DCDC1: variants seen among roughly 807,000 people sequenced by gnomAD.
DCDC1 encodes doublecortin domain containing 1.
DCDC1 carries 200 observed loss-of-function variants against 178.3 expected under a neutral mutation model. The ratio of observed to expected loss-of-function variants is 1.12; its 90% CI spans 1.00 to 1.26. The LOEUF (loss-of-function observed/expected upper bound fraction) is 1.26, where lower values mean the gene tolerates loss of function less well. Among genes scored for constraint, DCDC1 ranks in the 50% most tolerant of loss-of-function variants. The pLI is 0.00. For missense variants in DCDC1, 1,983 were observed against 1,749.2 expected, an observed-to-expected ratio of 1.13 and a Z score of -2.38; for synonymous variants, 690 against 604.8, an observed-to-expected ratio of 1.14 and a Z score of -2.07.
chr11:30,920,757 G>A lies in DCDC1; in HGVS notation c.3293+19C>T. 6.2e-7 allele frequency: 1 copy of A among 1,612,042 alleles called. No homozygotes were observed. The highest frequency in any genetic ancestry group is 2.2e-5 in the East Asian group (1 of 44,840). On this transcript the variant is annotated intron_variant, in intron 25 of 38. Transcript: ENST00000684477. ...CAAAAAGCAGCCAGGTAGCTTTTCA[G>A]GCTACACTGATTACTTACAGAATTT...
chr11:30,916,181 C>T (rs1281739987), intron 26 of DCDC1, among the ~76,000 whole-genome samples: 1 of 152,188 alleles, frequency 6.6e-6, no homozygotes, highest in Non-Finnish European at 1.5e-5. Flanking sequence ...TCTAACAAGT[C>T]ATAGCATATC....
chr11:31,262,269 G>GAA (rs551280722), intron 8 of DCDC1, among the ~76,000 whole-genome samples: 2,065 of 141,150 alleles, frequency 0.015, 27 homozygotes, highest in African/African-American at 0.035. Flanking sequence ...CTTGTCTCAG[G>GAA]AAAAAAAAAA....
At chr11:31,303,730 C>T (rs926018756) in intron 6 of DCDC1, among the ~76,000 whole-genome samples, 5 of 152,014 alleles carry the variant, frequency 3.3e-5, no homozygotes, top group African/African-American at 1.2e-4. Context: ...TGGCTTTTCC[C>T]CATTATACTT....
intron 9 of DCDC1, among the ~76,000 whole-genome samples, chr11:31,160,722 C>T (rs953075566): frequency 6.6e-6 from 1 of 152,082 alleles, no homozygotes; most frequent in Non-Finnish European, 1.5e-5. Context: ...GACAAAATAA[C>T]AGTTTAATGA....
At chr11:30,959,059 C>A (rs1213078330) in intron 20 of DCDC1, among the ~76,000 whole-genome samples, 1 of 152,114 alleles carries the variant, frequency 6.6e-6, no homozygotes, top group Admixed American at 6.5e-5. Flanking sequence ...CTAGTCAAAG[C>A]ACTGGCCAAG....
At chr11:30,983,581 T>C (rs940300889) in intron 20 of DCDC1, among the ~76,000 whole-genome samples, 6 of 152,238 alleles carry the variant, frequency 3.9e-5, no homozygotes, top group African/African-American at 1.4e-4. Flanking sequence ...TTCAGATTTA[T>C]GAAATACAAA....
At chr11:30,874,736 C>T (rs273616) in intron 38 of DCDC1, among the ~76,000 whole-genome samples, 103,851 of 151,908 alleles carry the variant, frequency 0.68, 35,849 homozygotes, top group Middle Eastern at 0.8. Context: ...ACTGCCTCAG[C>T]TGGTCTCACA....
intron 20 of DCDC1, among the ~76,000 whole-genome samples, chr11:30,975,465 T>TA (rs964183136): frequency 9.9e-5 from 15 of 151,496 alleles, no homozygotes; most frequent in South Asian, 6.3e-4. Flanking sequence ...CTTATAGCTA[T>TA]AAAAAAAACA....
chr11:31,057,857 G>A (rs1455390447), intron 20 of DCDC1, among the ~76,000 whole-genome samples: 2 of 152,132 alleles, frequency 1.3e-5, no homozygotes, highest in African/African-American at 4.8e-5. Context: ...CATATCACCA[G>A]GGAGGAGTGT....
At chr11:30,884,182 C>T (rs1053509488) in intron 36 of DCDC1, among the ~76,000 whole-genome samples, 7 of 151,720 alleles carry the variant, frequency 4.6e-5, no homozygotes, top group African/African-American at 1.2e-4. Context: ...TACAGGCGTG[C>T]ACCACCATGT....
chr11:30,911,309 T>C lies in DCDC1; in HGVS notation c.3747+18A>G. The C allele has an allele frequency of 2.5e-6, 4 of 1,580,596 alleles. No individual in the cohort carries two copies. Among genetic ancestry groups the C allele is most frequent in the Non-Finnish European group, 3.4e-6 (4 of 1,160,000 alleles). On this transcript the variant is annotated intron_variant, in intron 28 of 38. Transcript: ENST00000684477. ...TAATTAAAAGGCCATGACTAATCTT[T>C]AGCCATACATATCTTACCTGAACAA...
chr11:31,307,655 G>T lies in DCDC1; in HGVS notation c.418C>A (p.Pro140Thr). 6.2e-7 allele frequency: 1 copy of T among 1,613,970 alleles called. No individual in the cohort carries two copies. Among genetic ancestry groups the T allele is most frequent in the Non-Finnish European group, 8.5e-7 (1 of 1,179,924 alleles). The change falls in exon 4 of 39, where the codon CCA (proline) becomes ACA (threonine). Residue 140 changes from proline (P) to threonine (T), a missense_variant. By Grantham distance (38) the Pro-to-Thr change is conservative. Coordinates refer to ENST00000684477, the MANE Select transcript of DCDC1 (RefSeq NM_001387274.1). Reference protein sequence around the residue: ...ASKRNRPVSAPVGQLRVAEFS... With the variant: ...ASKRNRPVSATVGQLRVAEFS... ...TTTGATTACCTCAGTTGACCCACTG[G>T]AGCACTGACAGGTCTGTTTCTCTTG...
intron 8 of DCDC1, among the ~76,000 whole-genome samples, chr11:31,252,027 G>A (rs1012295235): frequency 3.3e-5 from 5 of 152,088 alleles, no homozygotes; most frequent in African/African-American, 7.2e-5. Context: ...GAATGAAATC[G>A]TTTTTAAAAT....
At chr11:30,991,279 G>C (rs564987941) in intron 20 of DCDC1, among the ~76,000 whole-genome samples, 1 of 152,016 alleles carries the variant, frequency 6.6e-6, no homozygotes, top group Middle Eastern at 3.4e-3. Context: ...TGTAATACTA[G>C]GTATACATTT....
In DCDC1 at chr11:31,098,980, A is replaced by T. The variant is rs78556309; in HGVS notation, c.1983+3197T>A. On this transcript the variant is annotated intron_variant, in intron 15 of 38. Coordinates refer to ENST00000684477, the MANE Select transcript of DCDC1 (RefSeq NM_001387274.1). ...TTATGATGAGTGTTTTCTCATTTTC[A>T]CTAAATCATTAGAACCATTTAATAA... Among the ~76,000 whole-genome samples the T allele has an allele frequency of 9.6e-3, 1,458 of 152,326 alleles. 12 individuals carry two copies. The highest frequency in any genetic ancestry group is 0.015 in the Admixed American group (230 of 15,306).
intron 20 of DCDC1, among the ~76,000 whole-genome samples, chr11:30,986,286 G>A (rs1950636789): frequency 6.7e-6 from 1 of 150,022 alleles, no homozygotes; most frequent in Non-Finnish European, 1.5e-5. Context: ...TACCTTTCAA[G>A]TAGTTTACCC....
At chr11:31,010,645 G>GGTC (rs1414404045) in intron 20 of DCDC1, among the ~76,000 whole-genome samples, 5 of 152,100 alleles carry the variant, frequency 3.3e-5, no homozygotes, top group African/African-American at 1.2e-4. Flanking sequence ...GGAACAAGAA[G>GGTC]GTGACCTCAT....
intron 9 of DCDC1, among the ~76,000 whole-genome samples, chr11:31,183,116 T>G (rs934703864): frequency 6.6e-6 from 1 of 152,058 alleles, no homozygotes; most frequent in African/African-American, 2.4e-5. Context: ...TTCTTAGAGA[T>G]CTACGAAGAG....
intron 1 of DCDC1, among the ~76,000 whole-genome samples, chr11:31,341,410 G>GATAC (rs1182129539): frequency 8.2e-5 from 12 of 146,722 alleles, no homozygotes; most frequent in Non-Finnish European, 1.5e-4. Flanking sequence ...TAGATAGATA[G>GATAC]ATAGATAGAT....
Sources: allele counts gnomAD v4.1 joint callset (sites outside exome capture counted in the v4.1 genomes callset), GRCh38; gene constraint gnomAD v4.1.1; transcripts MANE v1.5; gene names NCBI Gene and HGNC (gene_info 2026-07-23, HGNC 2026-07-21).